IFT122: variants seen among roughly 807,000 people sequenced by gnomAD.
The protein encoded by IFT122 is intraflagellar transport 122.
IFT122 carries 118 observed loss-of-function variants against 161.6 expected under a neutral mutation model. The observed-to-expected ratio is 0.73, with a 90% CI of 0.63 to 0.85. IFT122 has a LOEUF of 0.85. Ranked by LOEUF, IFT122 falls within the 40% of genes least tolerant of loss-of-function variation. The probability of loss-of-function intolerance (pLI) is 0.00; values close to 1 mark genes in which losing one functional copy is unlikely to be tolerated. For synonymous variants in IFT122, 550 were observed against 602.4 expected (o/e 0.91, Z 1.27); for missense variants, 1,381 against 1,579.6 (o/e 0.87, Z 2.13).
Position 129,499,005 on chromosome 3 carries a change from A to G in IFT122, c.2209-897A>G, listed in dbSNP as rs71255453. Among the ~76,000 whole-genome samples, 650 of 152,300 alleles carry G rather than the reference A, an allele frequency of 4.3e-3. 2 individuals carry two copies. Among genetic ancestry groups the G allele is most frequent in the African/African-American group, 0.014 (565 of 41,560 alleles). ...CCAGCCCAGAGAAGCTGGGCATACC[A>G]CTTCAGAGGTATGCTGAGGCCGAAG... On this transcript the variant is annotated intron_variant, in intron 18 of 29. Transcript: ENST00000348417.
chr3:129,520,296 G>C lies in IFT122; in HGVS notation c.*31G>C. ...ATCCTGGGGACGGCCTGCACCCTCT[G>C]CCCGCCTTGGGGTCTGCTGGGCTGT... is the stretch of plus-strand genomic sequence containing the variant. On this transcript the variant is annotated 3_prime_UTR_variant, in exon 30 of 30. Coordinates refer to ENST00000348417, the MANE Select transcript of IFT122 (RefSeq NM_052989.3). 2 of 1,532,386 alleles carry C rather than the reference G, an allele frequency of 1.3e-6. No homozygotes were observed. The highest frequency in any genetic ancestry group is 1.8e-6 in the Non-Finnish European group (2 of 1,117,786). 94.9% of individuals were successfully genotyped at this position (1,532,386 alleles called of 1,614,324 possible). A position where few individuals can be genotyped will look rare whatever the true frequency, so the allele number is the denominator to read the frequency against.
chr3:129,497,416 T>G (rs1303894080), intron 18 of IFT122, among the ~76,000 whole-genome samples: 6 of 152,244 alleles, frequency 3.9e-5, no homozygotes, highest in African/African-American at 9.6e-5. Context: ...AGTTTAGTCA[T>G]GAGATTTGCA....
intron 25 of IFT122, 69 bp downstream of exon 25, chr3:129,514,623 T>C (rs1201499841): frequency 6.4e-7 from 1 of 1,573,100 alleles, no homozygotes; most frequent in Non-Finnish European, 8.7e-7. Flanking sequence ...CCTTCTTGCC[T>C]GGCCTGGGTT....
intron 9 of IFT122, among the ~76,000 whole-genome samples, chr3:129,471,087 G>A (rs73865461): frequency 0.013 from 1,950 of 152,280 alleles, 44 homozygotes; most frequent in African/African-American, 0.044. Context: ...TAGAGTAAAG[G>A]TGCTGGGTAC....
intron 17 of IFT122, among the ~76,000 whole-genome samples, chr3:129,492,601 A>G (rs2080267941): frequency 6.6e-6 from 1 of 152,088 alleles, no homozygotes; most frequent in South Asian, 2.1e-4. Context: ...CCAAATGCAC[A>G]TGAGCTGAGC....
chr3:129,464,131 T>C (rs1358939860), intron 6 of IFT122, among the ~76,000 whole-genome samples: 1 of 152,226 alleles, frequency 6.6e-6, no homozygotes, highest in Non-Finnish European at 1.5e-5. Context: ...GTGTAAAGCG[T>C]GCAGGACAGT....
intron 7 of IFT122, among the ~76,000 whole-genome samples, chr3:129,466,152 T>TA (rs2076750962): frequency 2.0e-5 from 3 of 152,192 alleles, no homozygotes; most frequent in South Asian, 4.1e-4. Flanking sequence ...AAACCATCAG[T>TA]ATCCTTTACA....
chr3:129,517,270 A>ACGCGCG (rs1476276379), intron 26 of IFT122, among the ~76,000 whole-genome samples, 199 bp from the exon 27 acceptor site: 6 of 109,714 alleles, frequency 5.5e-5, no homozygotes, highest in African/African-American at 2.4e-4. Flanking sequence ...TTGCTCCTGC[A>ACGCGCG]CACACACACA....
intron 16 of IFT122, among the ~76,000 whole-genome samples, chr3:129,490,930 C>T (rs1461681568): frequency 6.6e-6 from 1 of 152,190 alleles, no homozygotes; most frequent in African/African-American, 2.4e-5. Flanking sequence ...TGCCTCCCAC[C>T]CCTGCTCATG....
intron 3 of IFT122, among the ~76,000 whole-genome samples, chr3:129,455,050 A>G (rs2075307002): frequency 6.6e-6 from 1 of 152,188 alleles, no homozygotes; most frequent in African/African-American, 2.4e-5. Flanking sequence ...ATAATGATTA[A>G]GAAGTCTTTT....
chr3:129,481,915 T>C (rs1337419362), intron 14 of IFT122, among the ~76,000 whole-genome samples: 6 of 152,216 alleles, frequency 3.9e-5, no homozygotes, highest in Non-Finnish European at 8.8e-5. Flanking sequence ...TAACTTTGGT[T>C]TCCTTGCCAA....
intron 9 of IFT122, among the ~76,000 whole-genome samples, chr3:129,470,099 GAA>G (rs563909337): frequency 2.7e-5 from 4 of 149,486 alleles, no homozygotes; most frequent in Non-Finnish European, 5.9e-5. Context: ...GTTTCAGGCA[GAA>G]AAAAAAATAG....
chr3:129,441,241 A>G (rs1309665202), intron 1 of IFT122, among the ~76,000 whole-genome samples: 2 of 152,188 alleles, frequency 1.3e-5, no homozygotes, highest in African/African-American at 4.8e-5. Flanking sequence ...GGAGCAGGTT[A>G]CTTGTCTTTG....
chr3:129,460,710 C>T, intron 4 of IFT122: 1 of 739,636 alleles, frequency 1.4e-6, no homozygotes, highest in South Asian at 1.4e-5. Flanking sequence ...AATCAACAAA[C>T]AATTTTTGAA....
intron 9 of IFT122, among the ~76,000 whole-genome samples, chr3:129,471,775 C>T (rs972900043): frequency 6.6e-6 from 1 of 152,110 alleles, no homozygotes; most frequent in African/African-American, 2.4e-5. Context: ...AAATCAAACC[C>T]ATACTTTTGT....
chr3:129,482,414 C>G (rs1378171624), intron 14 of IFT122, among the ~76,000 whole-genome samples: 1 of 152,142 alleles, frequency 6.6e-6, no homozygotes, highest in African/African-American at 2.4e-5. Context: ...GAGTGAAGTT[C>G]CCCCCAAAGC....
intron 1 of IFT122, among the ~76,000 whole-genome samples, chr3:129,446,000 A>T (rs555845930): frequency 6.6e-6 from 1 of 152,204 alleles, no homozygotes; most frequent in African/African-American, 2.4e-5. Flanking sequence ...TTTAAAATTT[A>T]ACCTGAGAGA....
At chr3:129,482,186 A>T (rs2078740512) in intron 14 of IFT122, among the ~76,000 whole-genome samples, 2 of 152,226 alleles carry the variant, frequency 1.3e-5, no homozygotes, top group South Asian at 2.1e-4. Context: ...TACTTAATTC[A>T]CAAGAATGCT....
intron 1 of IFT122, among the ~76,000 whole-genome samples, chr3:129,446,470 C>T (rs2074013442): frequency 6.6e-6 from 1 of 152,138 alleles, no homozygotes; most frequent in African/African-American, 2.4e-5. Flanking sequence ...CCACCTCGGC[C>T]TCCCAAAGTG....
Sources: gnomAD v4.1 joint callset for allele counts (sites outside exome capture counted in the v4.1 genomes callset) on GRCh38, gnomAD v4.1.1 for gene constraint, MANE v1.5 for transcripts, NCBI Gene and HGNC (gene_info 2026-07-23, HGNC 2026-07-21) for gene names.